The following PTPRT variants were observed in gnomAD, a reference collection of about 807,000 sequenced individuals.
PTPRT encodes protein tyrosine phosphatase receptor type T.
Under a neutral mutation model 176.8 loss-of-function variants are expected in PTPRT, and 56 were observed. The ratio of observed to expected loss-of-function variants is 0.32; its 90% CI spans 0.26 to 0.40. The LOEUF (loss-of-function observed/expected upper bound fraction) is 0.40, where lower values mean the gene tolerates loss of function less well. Ranked by LOEUF, PTPRT falls within the 10% of genes least tolerant of loss-of-function variation. The probability of loss-of-function intolerance (pLI) is 1.00; values close to 1 mark genes in which losing one functional copy is unlikely to be tolerated. For missense variants in PTPRT, 1,540 were observed against 1,908.2 expected, an observed-to-expected ratio of 0.81 and a Z score of 3.60; for synonymous variants, 783 against 739.0, an observed-to-expected ratio of 1.06 and a Z score of -0.96.
chr20:42,611,914 C>T (rs2073982224), intron 7 of PTPRT, among the ~76,000 whole-genome samples: 1 of 152,164 alleles, frequency 6.6e-6, no homozygotes, highest in South Asian at 2.1e-4. Context: ...CCATCAATGG[C>T]TTCAGGGATC....
chr20:42,902,730 A>C (rs2079422506), intron 1 of PTPRT, among the ~76,000 whole-genome samples: 1 of 152,206 alleles, frequency 6.6e-6, no homozygotes, highest in African/African-American at 2.4e-5. Context: ...TCACTTCTGC[A>C]AGGCTGCACA....
chr20:42,721,960 A>G (rs530180558), intron 6 of PTPRT, among the ~76,000 whole-genome samples: 1 of 152,258 alleles, frequency 6.6e-6, no homozygotes, highest in South Asian at 2.1e-4. Context: ...GTCTGTCTTG[A>G]TACTCTGCTG....
intron 1 of PTPRT, among the ~76,000 whole-genome samples, chr20:43,008,725 A>G (rs1163403712): frequency 1.3e-5 from 2 of 152,080 alleles, no homozygotes; most frequent in African/African-American, 2.4e-5. Flanking sequence ...ACGAGAAATA[A>G]ATTTCTGTTG....
chr20:42,252,750 T>G lies in PTPRT; in HGVS notation c.2177-3928A>C, dbSNP rs73254731. On this transcript the variant is annotated intron_variant, in intron 13 of 30. Coordinates refer to ENST00000373187, the MANE Select transcript of PTPRT (RefSeq NM_007050.6). ...ACCATAAACCTACAAAAGAACATACTTGAGGGCCACAGAAGAACATTCAGG... is the reference window on the plus strand; with the variant it reads ...ACCATAAACCTACAAAAGAACATACGTGAGGGCCACAGAAGAACATTCAGG... Among the ~76,000 whole-genome samples, 525 of 152,280 alleles carry G rather than the reference T, an allele frequency of 3.4e-3. 4 individuals carry two copies. Among genetic ancestry groups the G allele is most frequent in the African/African-American group, 0.012 (503 of 41,550 alleles).
At chr20:43,023,812 C>G (rs1273965519) in intron 1 of PTPRT, among the ~76,000 whole-genome samples, 1 of 152,278 alleles carries the variant, frequency 6.6e-6, no homozygotes, top group Middle Eastern at 3.4e-3. Context: ...TATTGGAGAT[C>G]ACCCCTTGGC....
chr20:43,098,513 G>A (rs1241329404), intron 1 of PTPRT, among the ~76,000 whole-genome samples: 2 of 151,638 alleles, frequency 1.3e-5, no homozygotes, highest in Non-Finnish European at 2.9e-5. Context: ...TCATAAGCCA[G>A]CCCTCTCTTC....
intron 7 of PTPRT, among the ~76,000 whole-genome samples, chr20:42,623,684 A>G (rs2074239510): frequency 6.6e-6 from 1 of 152,072 alleles, no homozygotes; most frequent in Non-Finnish European, 1.5e-5. Context: ...AAACTCTGGC[A>G]TATTCACTTC....
chr20:43,149,035 T>C (rs1194882846), intron 1 of PTPRT, among the ~76,000 whole-genome samples: 2 of 152,326 alleles, frequency 1.3e-5, no homozygotes, highest in East Asian at 3.9e-4. Flanking sequence ...AGATCCATGT[T>C]CTGTTGGAAT....
At chr20:42,195,990 C>T (rs1991201943) in intron 16 of PTPRT, among the ~76,000 whole-genome samples, 1 of 152,090 alleles carries the variant, frequency 6.6e-6, no homozygotes, top group African/African-American at 2.4e-5. Flanking sequence ...CGAACAGTGA[C>T]AATGTTATCC....
intron 7 of PTPRT, among the ~76,000 whole-genome samples, chr20:42,644,966 T>C (rs749475452): frequency 3.9e-5 from 6 of 152,142 alleles, no homozygotes; most frequent in Non-Finnish European, 5.9e-5. Flanking sequence ...GTTCAGAACC[T>C]TGCTACATCA....
chr20:42,364,441 C>T (rs547832366), intron 9 of PTPRT, among the ~76,000 whole-genome samples: 13 of 152,246 alleles, frequency 8.5e-5, no homozygotes, highest in African/African-American at 2.6e-4. Flanking sequence ...AAATTGTATT[C>T]GCCCCTACTT....
chr20:42,577,657 T>A (rs1483341598), intron 7 of PTPRT, among the ~76,000 whole-genome samples: 1 of 152,080 alleles, frequency 6.6e-6, no homozygotes, highest in Non-Finnish European at 1.5e-5. Context: ...TTTCTCCATC[T>A]AGTTCGGCCA....
chr20:43,120,276 A>AT (rs1267305462), intron 1 of PTPRT, among the ~76,000 whole-genome samples: 22 of 112,148 alleles, frequency 2.0e-4, no homozygotes, highest in Non-Finnish European at 4.5e-4. Flanking sequence ...TTCCAGATCC[A>AT]GTTTTTTTTT....
chr20:43,130,123 A>G (rs1051751115), intron 1 of PTPRT, among the ~76,000 whole-genome samples: 1 of 152,228 alleles, frequency 6.6e-6, no homozygotes, highest in Non-Finnish European at 1.5e-5. Context: ...TCCCATTGAT[A>G]GTCTTGATGA....
At chr20:42,315,617 C>A in intron 12 of PTPRT, 106 bp downstream of exon 12, 1 of 1,336,648 alleles carries the variant, frequency 7.5e-7, no homozygotes, top group Non-Finnish European at 1.0e-6. Context: ...ATTTGCCCCA[C>A]GGGCCTTAGT....
intron 13 of PTPRT, among the ~76,000 whole-genome samples, chr20:42,256,197 C>A (rs1277875082): frequency 6.6e-6 from 1 of 152,152 alleles, no homozygotes; most frequent in Non-Finnish European, 1.5e-5. Context: ...CTTTCTGGCT[C>A]TTCTCAAGTC....
chr20:42,465,200 T>A (rs1198286212), intron 8 of PTPRT, among the ~76,000 whole-genome samples: 1 of 152,148 alleles, frequency 6.6e-6, no homozygotes, highest in African/African-American at 2.4e-5. Flanking sequence ...GAATCTACAC[T>A]GCTAGTGAAA....
At chr20:42,365,209 T>C (rs1411838765) in intron 9 of PTPRT, among the ~76,000 whole-genome samples, 1 of 152,256 alleles carries the variant, frequency 6.6e-6, no homozygotes, top group Non-Finnish European at 1.5e-5. Flanking sequence ...GTATTTTATA[T>C]TCTGAACATT....
intron 1 of PTPRT, among the ~76,000 whole-genome samples, chr20:42,933,452 G>A (rs1050500822): frequency 1.3e-5 from 2 of 152,132 alleles, no homozygotes; most frequent in African/African-American, 4.8e-5. Flanking sequence ...AACAAGGACT[G>A]GAATCTAACT....
Sources: allele counts gnomAD v4.1 joint callset (sites outside exome capture counted in the v4.1 genomes callset), GRCh38; gene constraint gnomAD v4.1.1; transcripts MANE v1.5; gene names NCBI Gene and HGNC (gene_info 2026-07-23, HGNC 2026-07-21).